COLEC12: variants seen among roughly 807,000 people sequenced by gnomAD.
COLEC12 encodes collectin-12.
In COLEC12, 33 loss-of-function variants were observed where a neutral mutation model predicts 71.1. The observed-to-expected ratio is 0.46, with a 90% CI of 0.35 to 0.62. The LOEUF (loss-of-function observed/expected upper bound fraction) is 0.62, where lower values mean the gene tolerates loss of function less well. Ranked by LOEUF, COLEC12 falls within the 20% of genes least tolerant of loss-of-function variation. The pLI, the probability that COLEC12 is intolerant of heterozygous loss-of-function variation, is 0.00. For missense variants in COLEC12, 765 were observed against 916.1 expected, an observed-to-expected ratio of 0.84 and a Z score of 2.13; for synonymous variants, 350 against 353.0, an observed-to-expected ratio of 0.99 and a Z score of 0.10.
intron 2 of COLEC12, among the ~76,000 whole-genome samples, chr18:368,631 A>C (rs182116057): frequency 6.6e-6 from 1 of 151,896 alleles, no homozygotes; most frequent in Non-Finnish European, 1.5e-5. Context: ...TTGGGAGGCC[A>C]AGGTGGGCGG....
intron 2 of COLEC12, among the ~76,000 whole-genome samples, chr18:379,155 C>G (rs1035570720): frequency 2.0e-5 from 3 of 151,518 alleles, no homozygotes; most frequent in African/African-American, 4.9e-5. Flanking sequence ...CAGGGTCTTG[C>G]TCTGTCACCT....
At chr18:350,829 G>A (rs1014351882) in intron 3 of COLEC12, among the ~76,000 whole-genome samples, 1 of 151,986 alleles carries the variant, frequency 6.6e-6, no homozygotes, top group Non-Finnish European at 1.5e-5. Context: ...TTAGGAGGCT[G>A]AGGCAGGAGA....
At chr18:465,292 A>G (rs556925865) in intron 2 of COLEC12, among the ~76,000 whole-genome samples, 13 of 152,184 alleles carry the variant, frequency 8.5e-5, no homozygotes, top group African/African-American at 2.2e-4. Flanking sequence ...TAGTAGAGAC[A>G]GGGTTTCACA....
intron 2 of COLEC12, among the ~76,000 whole-genome samples, chr18:387,643 A>G (rs1178806697): frequency 1.3e-5 from 2 of 152,208 alleles, no homozygotes; most frequent in African/African-American, 4.8e-5. Flanking sequence ...GGCAACATGG[A>G]TTCAGATACA....
Position 500,446 on chromosome 18 carries a change from T to A in COLEC12, c.7+62A>T. 17 of 877,410 alleles carry A rather than the reference T, an allele frequency of 1.9e-5. No individual in the cohort carries two copies. Among genetic ancestry groups the A allele is most frequent in the Non-Finnish European group, 2.1e-5 (15 of 727,578 alleles). 54.4% of individuals were successfully genotyped at this position (877,410 alleles called of 1,614,324 possible). ...TCGCGCGGGAGGCACCTCCGTGGCC[T>A]CCCGCGCGCCCCGAAGCCCGTTCCC... On this transcript the variant is annotated intron_variant, in intron 1 of 9. Transcript: ENST00000400256. The surrounding 1 kb of genome is among the most constrained non-coding windows in gnomAD (Gnocchi z 5.3).
intron 5 of COLEC12, among the ~76,000 whole-genome samples, chr18:340,843 G>C (rs1914235374): frequency 6.6e-6 from 1 of 152,250 alleles, no homozygotes; most frequent in Admixed American, 6.5e-5. Context: ...GGAATGTACA[G>C]ATTAAAAAGA....
At chr18:409,509 G>C (rs1305839262) in intron 2 of COLEC12, among the ~76,000 whole-genome samples, 1 of 152,150 alleles carries the variant, frequency 6.6e-6, no homozygotes, top group African/African-American at 2.4e-5. Context: ...TGGGCGACAA[G>C]AGCAAAGCTC....
At chr18:468,372 T>C (rs1034927076) in intron 2 of COLEC12, among the ~76,000 whole-genome samples, 4 of 152,034 alleles carry the variant, frequency 2.6e-5, no homozygotes, top group African/African-American at 7.3e-5. Flanking sequence ...ACCTTTGAAA[T>C]CATCTACCCT....
chr18:499,771 C>T (rs1917783201), intron 1 of COLEC12, among the ~76,000 whole-genome samples: 1 of 152,212 alleles, frequency 6.6e-6, no homozygotes, highest in Non-Finnish European at 1.5e-5. Flanking sequence ...GTGCTTCTTT[C>T]TAAAGTACGA....
At chr18:463,255 T>A (rs1917017866) in intron 2 of COLEC12, among the ~76,000 whole-genome samples, 3 of 152,224 alleles carry the variant, frequency 2.0e-5, no homozygotes, top group Admixed American at 2.0e-4. Flanking sequence ...TTCATAATGT[T>A]TTGTTTTAGC....
intron 2 of COLEC12, among the ~76,000 whole-genome samples, chr18:407,041 T>C (rs9965609): frequency 0.75 from 114,608 of 152,260 alleles, 43,589 homozygotes; most frequent in South Asian, 0.82. Flanking sequence ...TTCTGCTAGA[T>C]GGGCACAGTC....
intron 2 of COLEC12, among the ~76,000 whole-genome samples, chr18:389,254 A>ATTTT (rs35325003): frequency 7.0e-6 from 1 of 141,860 alleles, no homozygotes; most frequent in Non-Finnish European, 1.5e-5. Flanking sequence ...CTGTGCAGCA[A>ATTTT]TTTTTTTTTT....
chr18:418,513 G>A (rs1372306365), intron 2 of COLEC12, among the ~76,000 whole-genome samples: 1 of 152,198 alleles, frequency 6.6e-6, no homozygotes, highest in Admixed American at 6.5e-5. Flanking sequence ...CTACTGGGCT[G>A]CATTCCCAGA....
chr18:429,680 C>T (rs1685177733), intron 2 of COLEC12, among the ~76,000 whole-genome samples: 1 of 152,158 alleles, frequency 6.6e-6, no homozygotes, highest in Admixed American at 6.5e-5. Context: ...CTGTGCCTGG[C>T]CTCATGTAAT....
At chr18:403,057 G>A (rs935051728) in intron 2 of COLEC12, among the ~76,000 whole-genome samples, 3 of 152,162 alleles carry the variant, frequency 2.0e-5, no homozygotes, top group African/African-American at 7.2e-5. Context: ...AGCTATGTAT[G>A]GCCAGCGTAT....
At chr18:479,953 C>A (rs1917381453) in intron 2 of COLEC12, among the ~76,000 whole-genome samples, 2 of 152,220 alleles carry the variant, frequency 1.3e-5, no homozygotes, top group African/African-American at 4.8e-5. Flanking sequence ...AAGGAAGAAT[C>A]CATTAATGCC....
intron 2 of COLEC12, among the ~76,000 whole-genome samples, chr18:377,354 T>C (rs1915135972): frequency 6.6e-6 from 1 of 152,218 alleles, no homozygotes; most frequent in Non-Finnish European, 1.5e-5. Context: ...TTGGTCAGGC[T>C]GCCGCCTGAA....
chr18:404,750 T>C (rs1231003764), intron 2 of COLEC12, among the ~76,000 whole-genome samples: 2 of 152,210 alleles, frequency 1.3e-5, no homozygotes, highest in Non-Finnish European at 2.9e-5. Flanking sequence ...GATAATTGTG[T>C]TAACTGTACA....
At chr18:352,682 G>C (rs141378911) in intron 3 of COLEC12, among the ~76,000 whole-genome samples, 2 of 152,324 alleles carry the variant, frequency 1.3e-5, no homozygotes, top group South Asian at 2.1e-4. Flanking sequence ...GCTGGAACCT[G>C]CTACTGCATA....
Sources: allele counts gnomAD v4.1 joint callset (sites outside exome capture counted in the v4.1 genomes callset), GRCh38; gene constraint gnomAD v4.1.1; non-coding constraint Gnocchi (gnomAD v3.1); transcripts MANE v1.5; gene names NCBI Gene and HGNC (gene_info 2026-07-23, HGNC 2026-07-21).